The following DNAH14 variants were observed in gnomAD, a reference collection of about 807,000 sequenced individuals.
DNAH14 encodes dynein axonemal heavy chain 14, also known as axonemal beta dynein heavy chain 14.
Under a neutral mutation model 520.9 loss-of-function variants are expected in DNAH14, and 478 were observed. The observed-to-expected ratio is 0.92, with a 90% confidence interval of 0.85 to 0.99. The LOEUF is 0.99. Ranked by LOEUF, DNAH14 falls within the 50% of genes least tolerant of loss-of-function variation. The pLI is 0.00. For synonymous variants in DNAH14, 1,581 were observed against 1,757.2 expected (o/e 0.90, Z 2.51); for missense variants, 4,831 against 5,234.5 (o/e 0.92, Z 2.38).
At position 225,257,955 on chromosome 1, in the gene DNAH14, C is replaced by T; in HGVS notation, c.6866-5C>T. On this transcript the variant is annotated splice_polypyrimidine_tract_variant and splice_region_variant and intron_variant, in intron 44 of 85. Coordinates refer to ENST00000682510, the MANE Select transcript of DNAH14 (RefSeq NM_001367479.1). Reference sequence around the variant, plus strand: ...TTTGAAACTTTTTTTAAAATGTTAACTTAGGAACTTCATTACTAACTAATC... The same window carrying T: ...TTTGAAACTTTTTTTAAAATGTTAATTTAGGAACTTCATTACTAACTAATC... 6.5e-7 allele frequency: 1 copy of T among 1,535,010 alleles called. No individual in the cohort carries two copies. The highest frequency in any genetic ancestry group is 2.0e-5 in the Admixed American group (1 of 49,226).
At chr1:224,972,643 T>A (rs1303608241) in intron 7 of DNAH14, among the ~76,000 whole-genome samples, 1 of 152,018 alleles carries the variant, frequency 6.6e-6, no homozygotes, top group Non-Finnish European at 1.5e-5. Context: ...TTTTTTGTAT[T>A]TTTAGTAGAC....
At chr1:225,126,826 C>T (rs940214290) in intron 27 of DNAH14, among the ~76,000 whole-genome samples, 1 of 151,874 alleles carries the variant, frequency 6.6e-6, no homozygotes, top group African/African-American at 2.4e-5. Context: ...ATCTTTCCTG[C>T]TTTCTCTTGT....
At chr1:225,190,640 T>A (rs1261943515) in intron 37 of DNAH14, among the ~76,000 whole-genome samples, 1 of 151,978 alleles carries the variant, frequency 6.6e-6, no homozygotes, top group Non-Finnish European at 1.5e-5. Flanking sequence ...CCTAATCCAA[T>A]TTGACTTGTG....
chr1:225,001,604 G>C (rs746456536), intron 8 of DNAH14, among the ~76,000 whole-genome samples: 2 of 151,736 alleles, frequency 1.3e-5, no homozygotes, highest in Non-Finnish European at 2.9e-5. Flanking sequence ...ATTTTTATGT[G>C]CACCCTCCCC....
In DNAH14 at chr1:224,929,747, C is replaced by T; in HGVS notation, c.-122C>T. 1 of 702,288 alleles carries T rather than the reference C, an allele frequency of 1.4e-6. No individual in the cohort carries two copies. Among genetic ancestry groups the T allele is most frequent in the Non-Finnish European group, 2.6e-6 (1 of 384,754 alleles). 43.5% of individuals were successfully genotyped at this position (702,288 alleles called of 1,614,324 possible). A position where few individuals can be genotyped will look rare whatever the true frequency, so the allele number is the denominator to read the frequency against. On this transcript the variant is annotated 5_prime_UTR_variant, in exon 1 of 86. Coordinates refer to ENST00000682510, the MANE Select transcript of DNAH14 (RefSeq NM_001367479.1). ...TGTGCTGCGCGGTCCTTCCCATTCA[C>T]CCTAGTCTGGCGCTCGCCGGCGTGG...
chr1:225,185,263 A>G, intron 36 of DNAH14, 28 bp from the exon 37 acceptor site: 1 of 1,534,636 alleles, frequency 6.5e-7, no homozygotes, highest in Non-Finnish European at 8.8e-7. Context: ...TCATTAATGA[A>G]TGAATAAATC....
chr1:225,382,400 C>T (rs1229995197), intron 81 of DNAH14, among the ~76,000 whole-genome samples: 1 of 152,064 alleles, frequency 6.6e-6, no homozygotes, highest in Non-Finnish European at 1.5e-5. Context: ...GGAATATATC[C>T]AACAGAAATT....
chr1:225,087,133 C>T (rs1204107232), intron 21 of DNAH14, among the ~76,000 whole-genome samples: 3 of 152,058 alleles, frequency 2.0e-5, no homozygotes, highest in South Asian at 2.1e-4. Context: ...CACTGGATGA[C>T]GTATAAATAA....
At position 225,308,377 on chromosome 1, in the gene DNAH14, A is replaced by G. The variant is rs1007103620; in HGVS notation, c.9207A>G (p.Ala3069=). The change falls in exon 60 of 86, where the codon GCA becomes GCG. Residue 3069 remains alanine (A), a synonymous_variant. Coordinates refer to ENST00000682510, the MANE Select transcript of DNAH14 (RefSeq NM_001367479.1). The stretch of plus-strand genomic sequence containing the variant: ...TTAAACAGGATGAAGAAATTGTGGC[A>G]GAAGAAGTAAGAATTGTGGAAGATT... ...MLVKQDEEIV[A]EEVRIVEDYA... The G allele has an allele frequency of 1.3e-6, 2 of 1,540,064 alleles. No homozygotes were observed. The highest frequency in any genetic ancestry group is 2.8e-5 in the African/African-American group (2 of 72,368).
Position 225,377,275 on chromosome 1 carries a change from C to T in DNAH14, c.12555C>T (p.Asp4185=). Residue 4185 remains aspartate, a synonymous_variant, in exon 79 of 86, where the codon GAC becomes GAT. Coordinates refer to ENST00000682510, the MANE Select transcript of DNAH14 (RefSeq NM_001367479.1). ...LPVPGSASIK[D]YIHIIQSLPD... The stretch of plus-strand genomic sequence containing the variant: ...TTCCAGGATCTGCAAGCATAAAGGA[C>T]TACATACACATTATCCAGTCCTTAC... The T allele has an allele frequency of 6.6e-7, 1 of 1,505,864 alleles. No individual in the cohort carries two copies. The highest frequency in any genetic ancestry group is 1.7e-4 in the Middle Eastern group (1 of 5,832). The allele number at this position is 1,505,864 out of a possible 1,614,324, so 93.3% of individuals were successfully genotyped here. A position where few individuals can be genotyped will look rare whatever the true frequency, so the allele number is the denominator to read the frequency against.
chr1:225,217,442 C>T (rs540956972), intron 41 of DNAH14, among the ~76,000 whole-genome samples: 41 of 152,258 alleles, frequency 2.7e-4, no homozygotes, highest in Non-Finnish European at 4.9e-4. Flanking sequence ...TAGACAGGGA[C>T]GTTTAAGTCT....
chr1:225,253,927 A>G (rs976655347), intron 44 of DNAH14, among the ~76,000 whole-genome samples: 2 of 152,156 alleles, frequency 1.3e-5, no homozygotes, highest in East Asian at 1.9e-4. Context: ...TAGGCACTTC[A>G]TCATCCAGCT....
At chr1:225,348,670 C>T (rs1173208205) in intron 71 of DNAH14, among the ~76,000 whole-genome samples, 1 of 152,090 alleles carries the variant, frequency 6.6e-6, no homozygotes, top group Non-Finnish European at 1.5e-5. Context: ...CTCAGATAAA[C>T]AAACATGAGG....
At chr1:225,356,613 C>A (rs1256333736) in intron 73 of DNAH14, among the ~76,000 whole-genome samples, 2 of 152,036 alleles carry the variant, frequency 1.3e-5, no homozygotes, top group Non-Finnish European at 2.9e-5. Flanking sequence ...CTGTATAGAA[C>A]AACTTCATTT....
chr1:225,009,106 A>C (rs1392195670), intron 10 of DNAH14, among the ~76,000 whole-genome samples: 1 of 152,076 alleles, frequency 6.6e-6, no homozygotes, highest in Non-Finnish European at 1.5e-5. Flanking sequence ...GAAGCTCTTT[A>C]GTTTAATTAG....
chr1:225,340,763 A>G (rs1301949014), intron 69 of DNAH14, 62 bp downstream of exon 69: 1 of 1,470,444 alleles, frequency 6.8e-7, no homozygotes, highest in Non-Finnish European at 9.0e-7. Context: ...AAAAGTTATA[A>G]GAACCAAATT....
intron 8 of DNAH14, among the ~76,000 whole-genome samples, chr1:224,981,939 T>A (rs1022576835): frequency 1.3e-5 from 2 of 152,176 alleles, no homozygotes; most frequent in African/African-American, 4.8e-5. Flanking sequence ...ACATAACTTA[T>A]AATAATTGAA....
At chr1:224,955,378 C>T (rs569575053) in intron 3 of DNAH14, among the ~76,000 whole-genome samples, 1 of 152,080 alleles carries the variant, frequency 6.6e-6, no homozygotes. Flanking sequence ...CTTTTTCATG[C>T]ATATCATGTC....
chr1:224,958,367 C>G (rs1040742925), intron 3 of DNAH14, among the ~76,000 whole-genome samples: 5 of 152,006 alleles, frequency 3.3e-5, no homozygotes, highest in Non-Finnish European at 7.4e-5. Flanking sequence ...GGGCCTCTTT[C>G]AAATAGCACT....
Sources: allele counts gnomAD v4.1 joint callset (sites outside exome capture counted in the v4.1 genomes callset), GRCh38; gene constraint gnomAD v4.1.1; transcripts MANE v1.5; gene names NCBI Gene and HGNC (gene_info 2026-07-23, HGNC 2026-07-21).